The following RGS6 variants were observed in gnomAD, a reference collection of about 807,000 sequenced individuals.
RGS6 encodes the protein regulator of G protein signaling 6.
In RGS6, 30 loss-of-function variants were observed where a neutral mutation model predicts 78.5. The ratio of observed to expected loss-of-function variants is 0.38; its 90% CI spans 0.29 to 0.52. The LOEUF (loss-of-function observed/expected upper bound fraction) is 0.52. RGS6 is among the 20% of genes least tolerant of loss of function. RGS6 has a pLI of 0.85. For missense variants in RGS6, 495 were observed against 609.7 expected (o/e 0.81, Z 1.98); for synonymous variants, 206 against 206.0 (o/e 1.00, Z 0.00).
At chr14:72,614,125 G>A in the RGS6 span, among the ~76,000 whole-genome samples, 3 of 152,318 alleles carry the variant, frequency 2.0e-5, no homozygotes, top group East Asian at 5.8e-4. Flanking sequence ...CAGGGCTGGT[G>A]GCCGTGGCCT....
intron 2 of RGS6, among the ~76,000 whole-genome samples, chr14:72,250,994 A>G (rs936272264): frequency 1.3e-5 from 2 of 152,232 alleles, no homozygotes; most frequent in African/African-American, 4.8e-5. Flanking sequence ...GGCTCACAGA[A>G]AGGCCAGATA....
the RGS6 span, among the ~76,000 whole-genome samples, chr14:72,611,719 T>A: frequency 6.6e-6 from 1 of 152,180 alleles, no homozygotes; most frequent in Non-Finnish European, 1.5e-5. Context: ...GAGGATGCTG[T>A]CATCCAAGGG....
chr14:72,512,870 G>A (rs17116719), intron 14 of RGS6, among the ~76,000 whole-genome samples: 9,568 of 152,294 alleles, frequency 0.063, 963 homozygotes, highest in African/African-American at 0.21. Flanking sequence ...CAGGGCTGGC[G>A]GATTTAGAGC....
chr14:71,981,893 C>G (rs541666277), intron 2 of RGS6, among the ~76,000 whole-genome samples: 1 of 148,716 alleles, frequency 6.7e-6, no homozygotes, highest in Non-Finnish European at 1.5e-5. Context: ...GCCTCGTTGC[C>G]GCCTTGCAGT....
chr14:71,937,721 A>C (rs951257651), intron 1 of RGS6, among the ~76,000 whole-genome samples: 1 of 152,238 alleles, frequency 6.6e-6, no homozygotes, highest in African/African-American at 2.4e-5. Flanking sequence ...GCATTCCGTG[A>C]GTCCACAGAT....
chr14:72,498,743 G>A (rs140230118), intron 13 of RGS6, among the ~76,000 whole-genome samples: 1 of 152,148 alleles, frequency 6.6e-6, no homozygotes, highest in East Asian at 1.9e-4. Flanking sequence ...GCATACTGGG[G>A]TGGCTCTGGG....
intron 2 of RGS6, among the ~76,000 whole-genome samples, chr14:72,255,758 A>G (rs1356222189): frequency 6.6e-6 from 1 of 152,208 alleles, no homozygotes; most frequent in Non-Finnish European, 1.5e-5. Flanking sequence ...ATGAAAGAGC[A>G]TTTGCTTATT....
chr14:72,346,787 T>C (rs575231496), intron 2 of RGS6, among the ~76,000 whole-genome samples: 4 of 152,206 alleles, frequency 2.6e-5, no homozygotes, highest in Non-Finnish European at 5.9e-5. Flanking sequence ...CCCATGTTCT[T>C]CCTACTGCCC....
chr14:72,464,698 A>T lies in RGS6; in HGVS notation c.395-1060A>T, dbSNP rs2095858320. On this transcript the variant is annotated intron_variant, in intron 6 of 17. Transcript: ENST00000553525. The stretch of plus-strand genomic sequence containing the variant: ...TTCCACTTGGCTCTGGAGAAGGAGG[A>T]AGACATTGAAGAAGGAAAGGTAGGG... 3 of 152,186 alleles carry T rather than the reference A, an allele frequency of 2.0e-5. No homozygotes were observed. The South Asian group carries it at 6.2e-4, about 32-fold the overall frequency. 9.4% of individuals were successfully genotyped at this position (152,186 alleles called of 1,614,324 possible). A position where few individuals can be genotyped will look rare whatever the true frequency, so the allele number is the denominator to read the frequency against.
intron 2 of RGS6, among the ~76,000 whole-genome samples, chr14:72,065,396 G>C: frequency 6.6e-6 from 1 of 152,286 alleles, no homozygotes. Flanking sequence ...AATAATTTTA[G>C]ATAGATTTCT....
At chr14:72,019,530 G>T (rs2087890588) in intron 2 of RGS6, among the ~76,000 whole-genome samples, 1 of 152,110 alleles carries the variant, frequency 6.6e-6, no homozygotes, top group Admixed American at 6.5e-5. Context: ...GATCTCCAGG[G>T]AATTAATAGG....
the RGS6 span, among the ~76,000 whole-genome samples, chr14:71,896,352 C>A: frequency 1.3e-5 from 2 of 152,102 alleles, no homozygotes; most frequent in African/African-American, 4.8e-5. Context: ...TCATGCCTCC[C>A]CCTTTTAAGA....
intron 2 of RGS6, among the ~76,000 whole-genome samples, chr14:72,188,637 G>A (rs1204214270): frequency 1.3e-5 from 2 of 152,128 alleles, no homozygotes; most frequent in Non-Finnish European, 2.9e-5. Context: ...GCATTAAACT[G>A]CATACAATTT....
At chr14:71,914,727 C>G in the RGS6 span, among the ~76,000 whole-genome samples, 1 of 152,098 alleles carries the variant, frequency 6.6e-6, no homozygotes, top group Admixed American at 6.5e-5. Context: ...TAAAAAAACA[C>G]TGTGGTACCA....
intron 2 of RGS6, among the ~76,000 whole-genome samples, chr14:72,009,522 AAG>A (rs1376782563): frequency 6.6e-6 from 1 of 152,210 alleles, no homozygotes; most frequent in Non-Finnish European, 1.5e-5. Flanking sequence ...TTGTCTGGCA[AAG>A]AGAAAAGGTG....
At chr14:72,150,391 T>C (rs537714302) in intron 2 of RGS6, among the ~76,000 whole-genome samples, 21 of 152,184 alleles carry the variant, frequency 1.4e-4, no homozygotes, top group African/African-American at 5.1e-4. Flanking sequence ...AGAGAATAAA[T>C]TTCTGTTTTA....
intron 17 of RGS6, among the ~76,000 whole-genome samples, chr14:72,561,990 C>T (rs1437241546): frequency 6.6e-6 from 1 of 152,204 alleles, no homozygotes; most frequent in Non-Finnish European, 1.5e-5. Flanking sequence ...GATCCTTGGC[C>T]ACCCTCTATT....
chr14:72,137,952 G>T (rs530325171), intron 2 of RGS6, among the ~76,000 whole-genome samples: 4 of 152,142 alleles, frequency 2.6e-5, no homozygotes, highest in Admixed American at 2.0e-4. Context: ...TCATATGGTT[G>T]GTTCCCCTGG....
chr14:72,462,894 A>G (rs1384797980), intron 6 of RGS6, among the ~76,000 whole-genome samples: 1 of 152,250 alleles, frequency 6.6e-6, no homozygotes. Flanking sequence ...GTATGAGGAA[A>G]ATAGAGAAAT....
Sources: gnomAD v4.1 joint callset for allele counts (sites outside exome capture counted in the v4.1 genomes callset) on GRCh38, gnomAD v4.1.1 for gene constraint, MANE v1.5 for transcripts, NCBI Gene and HGNC (gene_info 2026-07-23, HGNC 2026-07-21) for gene names.